The following NT5DC1 variants were observed in gnomAD, a reference collection of about 807,000 sequenced individuals.
The protein encoded by NT5DC1 is 5'-nucleotidase domain containing 1.
In NT5DC1, 42 loss-of-function variants were observed where a neutral mutation model predicts 59.4. The observed-to-expected ratio is 0.71, with a 90% CI of 0.55 to 0.92. NT5DC1 has a LOEUF of 0.92. Among genes scored for constraint, NT5DC1 ranks in the 40% least tolerant of loss-of-function variants. The pLI, the probability that NT5DC1 is intolerant of heterozygous loss-of-function variation, is 0.00. For synonymous variants in NT5DC1, 172 were observed against 188.1 expected (o/e 0.91, Z 0.70); for missense variants, 501 against 537.1 (o/e 0.93, Z 0.66).
At chr6:116,121,973 A>G in intron 6 of NT5DC1, 1 of 1,604,960 alleles carries the variant, frequency 6.2e-7, no homozygotes, top group African/African-American at 1.3e-5. Context: ...TAAAAGACAC[A>G]CCCAACACAC....
At chr6:116,109,422 C>T (rs1204992324) in intron 3 of NT5DC1, among the ~76,000 whole-genome samples, 4 of 152,204 alleles carry the variant, frequency 2.6e-5, no homozygotes, top group Non-Finnish European at 4.4e-5. Flanking sequence ...ACCTTTAACT[C>T]TTCTGTCAGA....
intron 6 of NT5DC1, chr6:116,118,834 A>G (rs1387025514): frequency 1.3e-5 from 2 of 152,152 alleles, no homozygotes; most frequent in Non-Finnish European, 2.9e-5. Flanking sequence ...GTACCTCTTC[A>G]CAGTCAACAA....
At position 116,106,333 on chromosome 6, in the gene NT5DC1, C is replaced by G; in HGVS notation, c.183C>G (p.Phe61Leu). Residue 61 changes from phenylalanine to leucine, a missense_variant and splice_region_variant, in exon 2 of 12, where the codon TTC becomes TTG. Transcript: ENST00000319550. Reference sequence around the variant, plus strand: ...ATGTGACCCCAGAGGATTGGGATTTCTGGTAAGTTCTTTTTTTTTTTTTTT... The same window carrying G: ...ATGTGACCCCAGAGGATTGGGATTTGTGGTAAGTTCTTTTTTTTTTTTTTT... The part of the protein sequence containing the change: ...LLNVTPEDWD[F>L]CCKGLALDLE... 8.1e-7 allele frequency: 1 copy of G among 1,234,688 alleles called. No individual in the cohort carries two copies. The highest frequency in any genetic ancestry group is 1.1e-6 in the Non-Finnish European group (1 of 870,056). 76.5% of individuals were successfully genotyped at this position (1,234,688 alleles called of 1,614,324 possible). A position where few individuals can be genotyped will look rare whatever the true frequency, so the allele number is the denominator to read the frequency against.
At chr6:116,107,590 T>TTTTA (rs1159063629) in intron 2 of NT5DC1, among the ~76,000 whole-genome samples, 2 of 99,502 alleles carry the variant, frequency 2.0e-5, no homozygotes, top group Non-Finnish European at 4.3e-5. Context: ...ATTTTATTTT[T>TTTTA]GAGACAGAGT....
chr6:116,107,997 T>A (rs1778800342), intron 2 of NT5DC1, among the ~76,000 whole-genome samples: 1 of 134,394 alleles, frequency 7.4e-6, no homozygotes, highest in Non-Finnish European at 1.6e-5. Flanking sequence ...TAAATGTGTG[T>A]GTGTGTGTGT....
chr6:116,104,457 A>G (rs946859531), intron 1 of NT5DC1, among the ~76,000 whole-genome samples: 1 of 152,196 alleles, frequency 6.6e-6, no homozygotes, highest in Non-Finnish European at 1.5e-5. Flanking sequence ...GGCAAATCTA[A>G]GGTGTACAAT....
Position 116,182,422 on chromosome 6 carries a change from A to G in NT5DC1, c.530-38632A>G, listed in dbSNP as rs572946686. On this transcript the variant is annotated intron_variant, in intron 6 of 11. Coordinates refer to ENST00000319550, the MANE Select transcript of NT5DC1 (RefSeq NM_152729.3). Reference sequence around the variant, plus strand: ...TACTCAGGAGCAGGATTGCTGGATCAAATGGTAGATCTACTTTTAATTTTT... The same window carrying G: ...TACTCAGGAGCAGGATTGCTGGATCGAATGGTAGATCTACTTTTAATTTTT... 3.9e-5 allele frequency among the ~76,000 whole-genome samples: 6 copies of G among 152,186 alleles called. No individual in the cohort carries two copies. The South Asian group carries it at 1.2e-3, about 32-fold the overall frequency.
At chr6:116,115,090 C>T (rs1031695961) in intron 4 of NT5DC1, among the ~76,000 whole-genome samples, 1 of 152,194 alleles carries the variant, frequency 6.6e-6, no homozygotes, top group African/African-American at 2.4e-5. Context: ...ACCCTAAAGT[C>T]ATACAGAATA....
rs1461444939 is a variant in NT5DC1 at position 116,118,019 on chromosome 6, T to G, written c.529+74T>G. The G allele has an allele frequency of 1.9e-5, 15 of 802,140 alleles. No individual in the cohort carries two copies. The African/African-American group carries it at 2.5e-4, about 14-fold the overall frequency. The allele number at this position is 802,140 out of a possible 1,614,324, so 49.7% of individuals were successfully genotyped here. ...TTTGTCTAGTGAATTAGCTGAAAAG[T>G]AGGTACTTTGCTGTGTATCTTACTT... On this transcript the variant is annotated intron_variant, in intron 6 of 11. Transcript: ENST00000319550.
chr6:116,163,952 T>C (rs1022957070), intron 6 of NT5DC1, among the ~76,000 whole-genome samples: 2 of 152,344 alleles, frequency 1.3e-5, no homozygotes, highest in East Asian at 3.9e-4. Context: ...TGCTATATTC[T>C]GAGAGGATAC....
chr6:116,206,530 G>A (rs1406589682), intron 6 of NT5DC1, among the ~76,000 whole-genome samples: 2 of 151,946 alleles, frequency 1.3e-5, no homozygotes, highest in Non-Finnish European at 2.9e-5. Flanking sequence ...TTATCTGTGT[G>A]TCTACTCTGG....
chr6:116,239,933 C>T (rs1771649850), intron 11 of NT5DC1, among the ~76,000 whole-genome samples: 1 of 152,026 alleles, frequency 6.6e-6, no homozygotes, highest in Non-Finnish European at 1.5e-5. Flanking sequence ...ATTGTATAAA[C>T]TGTGGTATAA....
intron 10 of NT5DC1, 68 bp downstream of exon 10, chr6:116,238,416 T>C (rs2114562218): frequency 8.9e-7 from 1 of 1,122,478 alleles, no homozygotes; most frequent in East Asian, 2.8e-5. Context: ...AGTATCTTTA[T>C]ACTACTTGAC....
intron 6 of NT5DC1, among the ~76,000 whole-genome samples, chr6:116,203,412 C>T (rs1263835587): frequency 6.6e-6 from 1 of 151,908 alleles, no homozygotes; most frequent in African/African-American, 2.4e-5. Context: ...TGGAGAGACA[C>T]CTAACACCAC....
chr6:116,148,746 A>G (rs188603195), intron 6 of NT5DC1, among the ~76,000 whole-genome samples: 26 of 152,314 alleles, frequency 1.7e-4, no homozygotes, highest in Admixed American at 1.6e-3. Context: ...TGAGCAAAAT[A>G]CTGTTTATTA....
At chr6:116,243,001 C>T (rs1037845186) in intron 11 of NT5DC1, among the ~76,000 whole-genome samples, 4 of 152,200 alleles carry the variant, frequency 2.6e-5, no homozygotes, top group African/African-American at 9.7e-5. Context: ...GCTGGTTCCT[C>T]CTTCCCAAGA....
intron 6 of NT5DC1, among the ~76,000 whole-genome samples, chr6:116,135,370 A>G (rs994767045): frequency 4.6e-5 from 7 of 152,128 alleles, no homozygotes; most frequent in Admixed American, 3.3e-4. Flanking sequence ...AGTAAGTACT[A>G]GAAAATGATA....
At chr6:116,173,022 TCA>T (rs977343658) in intron 6 of NT5DC1, among the ~76,000 whole-genome samples, 8 of 152,210 alleles carry the variant, frequency 5.3e-5, no homozygotes, top group African/African-American at 1.9e-4. Flanking sequence ...GGAATACAAT[TCA>T]CAGATATTAT....
chr6:116,135,419 C>A (rs56091733), intron 6 of NT5DC1, among the ~76,000 whole-genome samples: 15 of 151,972 alleles, frequency 9.9e-5, no homozygotes, highest in South Asian at 4.2e-4. Context: ...CCGCCCCCCC[C>A]ACCTTTTTAT....
Sources: allele counts gnomAD v4.1 joint callset (sites outside exome capture counted in the v4.1 genomes callset), GRCh38; gene constraint gnomAD v4.1.1; transcripts MANE v1.5; gene names NCBI Gene and HGNC (gene_info 2026-07-23, HGNC 2026-07-21).